Variants in PCDHGB4 observed in about 807,000 individuals in gnomAD.
PCDHGB4 encodes protocadherin gamma-B4.
PCDHGB4 carries 38 observed loss-of-function variants against 60.5 expected under a neutral mutation model. That is an observed-to-expected ratio of 0.63 (90% CI 0.48 to 0.82). The LOEUF is 0.82. PCDHGB4 is among the 40% of genes least tolerant of loss of function. PCDHGB4 has a pLI of 0.00. For synonymous variants in PCDHGB4, 456 were observed against 509.7 expected, an observed-to-expected ratio of 0.89 and a Z score of 1.42; for missense variants, 1,109 against 1,209.6, an observed-to-expected ratio of 0.92 and a Z score of 1.23.
chr5:141,430,659 G>A, intron 1 of PCDHGB4: 1 of 1,110,600 alleles, frequency 9.0e-7, no homozygotes, highest in Non-Finnish European at 1.2e-6. Context: ...AACAACGGAG[G>A]AGCTCTGACT....
chr5:141,472,529 G>C lies in PCDHGB4; in HGVS notation c.2398-22278G>C, dbSNP rs553065027. 9.3e-5 allele frequency among the ~76,000 whole-genome samples: 14 copies of C among 151,058 alleles called. No individual in the cohort carries two copies. In the East Asian group the frequency reaches 2.6e-3, roughly 28 times the overall value. ...CACTCCAGCCTGGGTGACAGAGTGA[G>C]ACACCATCTCAAGAAAAAAAAAATT... On this transcript the variant is annotated intron_variant, in intron 1 of 3. Transcript: ENST00000519479.
At chr5:141,403,624 C>T (rs1269483770) in intron 1 of PCDHGB4, 3 of 1,613,924 alleles carry the variant, frequency 1.9e-6, no homozygotes. Context: ...GTCGCTCCAG[C>T]ACAGTGCGCA....
Position 141,422,179 on chromosome 5 carries a change from A to G in PCDHGB4, c.2397+31898A>G, listed in dbSNP as rs757086661. The G allele has an allele frequency of 2.0e-5, 32 of 1,562,402 alleles. No homozygotes were observed. Among genetic ancestry groups the G allele is most frequent in the Non-Finnish European group, 2.6e-5 (30 of 1,159,048 alleles). ...TTTTGAAAAATATAGATTCTATGAG[A>G]TGGAAATTCAAGGCCAAGATGGTGG... is the stretch of plus-strand genomic sequence containing the variant. On this transcript the variant is annotated intron_variant, in intron 1 of 3. Coordinates refer to ENST00000519479, the MANE Select transcript of PCDHGB4 (RefSeq NM_003736.4).
rs543038539 is a variant in PCDHGB4 at position 141,415,850 on chromosome 5, C to A, written c.2397+25569C>A. 7.3e-6 allele frequency: 9 copies of A among 1,230,004 alleles called. No homozygotes were observed. In the East Asian group the frequency reaches 2.6e-4, roughly 35 times the overall value. The allele number at this position is 1,230,004 out of a possible 1,614,324, so 76.2% of individuals were successfully genotyped here. ...TTTGTTATGATTAGCTTTGCAGAAC[C>A]TTGTAGTTTATAGTGTTGTTGAGTA... On this transcript the variant is annotated intron_variant, in intron 1 of 3. Coordinates refer to ENST00000519479, the MANE Select transcript of PCDHGB4 (RefSeq NM_003736.4).
intron 2 of PCDHGB4, among the ~76,000 whole-genome samples, chr5:141,501,907 G>T (rs4912761): frequency 0.59 from 89,145 of 151,782 alleles, 27,774 homozygotes; most frequent in African/African-American, 0.8. Context: ...CAACCCCACT[G>T]TTCCACTCAG....
Position 141,408,609 on chromosome 5 carries a change from A to T in PCDHGB4, c.2397+18328A>T, listed in dbSNP as rs765291231. 3 of 1,613,970 alleles carry T rather than the reference A, an allele frequency of 1.9e-6. No homozygotes were observed. The highest frequency in any genetic ancestry group is 2.5e-6 in the Non-Finnish European group (3 of 1,179,916). On this transcript the variant is annotated intron_variant, in intron 1 of 3. Coordinates refer to ENST00000519479, the MANE Select transcript of PCDHGB4 (RefSeq NM_003736.4). ...GACCACGCCCCTCAATTTGATAAAA[A>T]GGAAATACATTTAGAAATTTTCGAA...
intron 3 of PCDHGB4, among the ~76,000 whole-genome samples, chr5:141,510,415 C>G (rs2099881071): frequency 6.6e-6 from 1 of 152,082 alleles, no homozygotes; most frequent in Admixed American, 6.5e-5. Flanking sequence ...GCATGTAAAG[C>G]CATGGTTTCA....
intron 1 of PCDHGB4, chr5:141,399,009 C>T (rs759328384): frequency 8.1e-6 from 13 of 1,613,694 alleles, no homozygotes; most frequent in African/African-American, 1.3e-5. Context: ...ATTCAAAGAG[C>T]GGAGAAATTA....
At chr5:141,410,008 C>A (rs2095347582) in intron 1 of PCDHGB4, 1 of 1,613,220 alleles carries the variant, frequency 6.2e-7, no homozygotes, top group Non-Finnish European at 8.5e-7. Flanking sequence ...GACACAACGC[C>A]TGGCTGTCCT....
intron 1 of PCDHGB4, chr5:141,398,734 G>C (rs768663543): frequency 6.2e-7 from 1 of 1,613,788 alleles, no homozygotes; most frequent in Non-Finnish European, 8.5e-7. Context: ...CTTAGACCGG[G>C]AACAACAGAG....
chr5:141,416,053 A>T (rs2095987443), intron 1 of PCDHGB4: 1 of 181,266 alleles, frequency 5.5e-6, no homozygotes, highest in South Asian at 1.8e-4. Flanking sequence ...CACAACCCAA[A>T]TCCAAGAATA....
At chr5:141,471,495 T>A (rs539663010) in intron 1 of PCDHGB4, 1 of 152,318 alleles carries the variant, frequency 6.6e-6, no homozygotes, top group East Asian at 1.9e-4. Flanking sequence ...ATTTAGGGAA[T>A]GCAAGAGAGG....
At position 141,512,903 on chromosome 5, in the gene PCDHGB4, CAA is replaced by C. The variant is rs2099884494; in HGVS notation, c.*1731_*1732del. The C allele has an allele frequency of 6.6e-6, 1 of 152,224 alleles. No individual in the cohort carries two copies. Among genetic ancestry groups the C allele is most frequent in the African/African-American group, 2.4e-5 (1 of 41,452 alleles). 9.4% of individuals were successfully genotyped at this position (152,224 alleles called of 1,614,324 possible). On this transcript the variant is annotated 3_prime_UTR_variant, in exon 4 of 4. Transcript: ENST00000519479. ...CCCCACCCTCTTCCTGTGTCTCACG[CAA>C]GTTTTATACTCTAATATTTATATGG...
intron 1 of PCDHGB4, chr5:141,419,435 C>CGCACCT (rs2096383167): frequency 6.2e-7 from 1 of 1,613,108 alleles, no homozygotes; most frequent in Admixed American, 1.7e-5. Context: ...CGAGCAGCTG[C>CGCACCT]GCACCTTCGA....
chr5:141,430,930 G>A, intron 1 of PCDHGB4: 2 of 1,607,320 alleles, frequency 1.2e-6, no homozygotes, highest in Non-Finnish European at 1.7e-6. Context: ...TGGAGCCCCG[G>A]GAGCTCGCGG....
At chr5:141,450,792 G>T (rs1222162745) in intron 1 of PCDHGB4, among the ~76,000 whole-genome samples, 2 of 149,686 alleles carry the variant, frequency 1.3e-5, no homozygotes, top group Non-Finnish European at 3.0e-5. Context: ...CGGACCTCAT[G>T]ATTGTATTTA....
chr5:141,478,399 T>C, intron 1 of PCDHGB4: 1 of 1,613,514 alleles, frequency 6.2e-7, no homozygotes, highest in South Asian at 1.1e-5. Flanking sequence ...ATCAGGTGTA[T>C]CTCACCACGG....
rs776293224 is a variant in PCDHGB4, at chr5:141,477,889, A to G, written c.2398-16918A>G. Reference sequence around the variant, plus strand: ...GTACCTCAGCTGGCCACCTAGTGTCACGGGTGGTAGGCTGGGACGCGGATG... The same window carrying G: ...GTACCTCAGCTGGCCACCTAGTGTCGCGGGTGGTAGGCTGGGACGCGGATG... On this transcript the variant is annotated intron_variant, in intron 1 of 3. Coordinates refer to ENST00000519479, the MANE Select transcript of PCDHGB4 (RefSeq NM_003736.4). This position sits in a 1 kb window ranked among gnomAD's most constrained non-coding sequence, Gnocchi z 4.9. The G allele has an allele frequency of 1.8e-5, 29 of 1,614,034 alleles. No individual in the cohort carries two copies. Among genetic ancestry groups the G allele is most frequent in the Non-Finnish European group, 2.5e-5 (29 of 1,180,026 alleles).
At chr5:141,420,392 G>A (rs1480059498) in intron 1 of PCDHGB4, 2 of 1,268,940 alleles carry the variant, frequency 1.6e-6, no homozygotes, top group East Asian at 5.5e-5. Context: ...CAAAATATAG[G>A]TCAAATTTAT....
Sources: allele counts gnomAD v4.1 joint callset (sites outside exome capture counted in the v4.1 genomes callset), GRCh38; gene constraint gnomAD v4.1.1; non-coding constraint Gnocchi (gnomAD v3.1); transcripts MANE v1.5; gene names NCBI Gene and HGNC (gene_info 2026-07-23, HGNC 2026-07-21).